ZNF385D: variants seen among roughly 807,000 people sequenced by gnomAD.
ZNF385D encodes zinc finger protein 385D.
A neutral mutation model predicts 35.8 loss-of-function variants in ZNF385D; 15 were observed. That is an observed-to-expected ratio of 0.42 (90% CI 0.28 to 0.64). ZNF385D has a LOEUF of 0.64. ZNF385D is among the 30% of genes least tolerant of loss of function. The probability of loss-of-function intolerance (pLI) is 0.23; values close to 1 mark genes in which losing one functional copy is unlikely to be tolerated. For synonymous variants in ZNF385D, 212 were observed against 186.8 expected (o/e 1.13, Z -1.10); for missense variants, 474 against 494.6 (o/e 0.96, Z 0.39).
chr3:22,354,293 G>A (rs1696051942), intron 2 of ZNF385D, among the ~76,000 whole-genome samples: 1 of 151,974 alleles, frequency 6.6e-6, no homozygotes, highest in Non-Finnish European at 1.5e-5. Flanking sequence ...GAAAACATCA[G>A]TACATATTTC....
At chr3:22,341,555 G>A (rs1695420769) in intron 2 of ZNF385D, among the ~76,000 whole-genome samples, 1 of 152,068 alleles carries the variant, frequency 6.6e-6, no homozygotes, top group African/African-American at 2.4e-5. Flanking sequence ...AGCACCATTT[G>A]GAATGAACCA....
Position 22,291,635 on chromosome 3 carries a change from G to A in ZNF385D, c.106+80815C>T, listed in dbSNP as rs573789389. Among the ~76,000 whole-genome samples the A allele has an allele frequency of 1.5e-4, 23 of 151,896 alleles. No homozygotes were observed. The South Asian group carries it at 4.4e-3, about 29-fold the overall frequency. On this transcript the variant is annotated intron_variant, in intron 2 of 5. Transcript: ENST00000494108. ...GTTAAAGAAGTGTAATAATTTTATTGTTTTACTGTATTACCAAGAACTTCT... is the reference window on the plus strand; with the variant it reads ...GTTAAAGAAGTGTAATAATTTTATTATTTTACTGTATTACCAAGAACTTCT...
intron 3 of ZNF385D, among the ~76,000 whole-genome samples, chr3:22,097,477 A>T (rs1184640504): frequency 6.6e-6 from 1 of 152,064 alleles, no homozygotes; most frequent in Non-Finnish European, 1.5e-5. Flanking sequence ...GAAGAAATTG[A>T]GAGAAAAGTT....
At chr3:22,121,180 C>T (rs143434241) in intron 3 of ZNF385D, among the ~76,000 whole-genome samples, 213 of 152,242 alleles carry the variant, frequency 1.4e-3, no homozygotes, top group African/African-American at 4.9e-3. Context: ...TTCAACCTTC[C>T]TCTTTCACTT....
intron 2 of ZNF385D, among the ~76,000 whole-genome samples, chr3:22,180,938 A>T (rs1374462449): frequency 1.1e-4 from 7 of 62,024 alleles, no homozygotes; most frequent in Non-Finnish European, 1.8e-4. Context: ...TTTAAGAGAC[A>T]GCTTTGCTTT....
intron 2 of ZNF385D, among the ~76,000 whole-genome samples, chr3:22,172,853 A>G (rs1694555762): frequency 6.6e-6 from 1 of 152,226 alleles, no homozygotes; most frequent in Admixed American, 6.5e-5. Flanking sequence ...TCCTCCATTC[A>G]AAGCGGGATA....
chr3:21,880,733 C>T (rs75383514), intron 3 of ZNF385D, among the ~76,000 whole-genome samples: 2,644 of 152,016 alleles, frequency 0.017, 57 homozygotes, highest in African/African-American at 0.054. Context: ...AAAGCTGATA[C>T]AGACTGAAAG....
intron 1 of ZNF385D, among the ~76,000 whole-genome samples, chr3:21,714,066 T>C (rs2068220937): frequency 6.6e-6 from 1 of 152,206 alleles, no homozygotes; most frequent in African/African-American, 2.4e-5. Context: ...TTTGCTCCCT[T>C]GGCTAAATGA....
chr3:22,206,804 C>T (rs114371500), intron 2 of ZNF385D, among the ~76,000 whole-genome samples: 217 of 151,726 alleles, frequency 1.4e-3, no homozygotes, highest in Non-Finnish European at 2.7e-3. Context: ...TTATAAATGC[C>T]AACATCAGAA....
chr3:21,751,236 A>AGGGC, upstream of ZNF385D: 1 of 1,106,816 alleles, frequency 9.0e-7, no homozygotes, highest in Non-Finnish European at 1.1e-6. Flanking sequence ...AGACCCCTCC[A>AGGGC]CCCCACCCCA....
At chr3:22,176,496 C>G (rs1459021548) in intron 2 of ZNF385D, among the ~76,000 whole-genome samples, 1 of 152,120 alleles carries the variant, frequency 6.6e-6, no homozygotes, top group Non-Finnish European at 1.5e-5. Context: ...GATTGCATTT[C>G]AAGTACAGTT....
intron 2 of ZNF385D, among the ~76,000 whole-genome samples, chr3:22,339,187 T>C (rs1214280744): frequency 6.6e-6 from 1 of 152,186 alleles, no homozygotes; most frequent in South Asian, 2.1e-4. Flanking sequence ...TGTCACAACT[T>C]AAAACATTTA....
chr3:21,616,818 AAC>A (rs2064860544), intron 2 of ZNF385D, among the ~76,000 whole-genome samples: 1 of 152,198 alleles, frequency 6.6e-6, no homozygotes, highest in Non-Finnish European at 1.5e-5. Flanking sequence ...GAAAATTACT[AAC>A]ACAGGTCACT....
intron 2 of ZNF385D, among the ~76,000 whole-genome samples, chr3:21,611,755 C>T (rs562043487): frequency 6.6e-6 from 1 of 152,054 alleles, no homozygotes; most frequent in East Asian, 1.9e-4. Context: ...AACAAGGATA[C>T]CACATTGAGT....
chr3:21,963,382 C>G (rs1050473168), intron 3 of ZNF385D, among the ~76,000 whole-genome samples: 6 of 152,108 alleles, frequency 3.9e-5, no homozygotes, highest in East Asian at 1.9e-4. Context: ...TACGTAGAAC[C>G]GCAGTAGCGT....
intron 3 of ZNF385D, among the ~76,000 whole-genome samples, chr3:21,525,703 A>C (rs1404415994): frequency 1.3e-5 from 2 of 151,792 alleles, no homozygotes; most frequent in Non-Finnish European, 2.9e-5. Context: ...AAAAAAAAAA[A>C]AAACTATTAA....
chr3:22,163,498 G>T (rs1001405404), intron 3 of ZNF385D, among the ~76,000 whole-genome samples: 4 of 152,032 alleles, frequency 2.6e-5, no homozygotes, highest in African/African-American at 9.7e-5. Flanking sequence ...TCAGAAATGT[G>T]AAAAACATTT....
At chr3:21,849,304 A>G (rs1290608528) in intron 3 of ZNF385D, among the ~76,000 whole-genome samples, 1 of 152,114 alleles carries the variant, frequency 6.6e-6, no homozygotes, top group Non-Finnish European at 1.5e-5. Flanking sequence ...AGAGAATTCT[A>G]AATTGATTCA....
intron 3 of ZNF385D, among the ~76,000 whole-genome samples, chr3:21,998,646 A>T (rs1695639001): frequency 6.6e-6 from 1 of 152,240 alleles, no homozygotes; most frequent in Non-Finnish European, 1.5e-5. Context: ...GTGTGTTAAT[A>T]ACAAGAACAT....
Sources: gnomAD v4.1 joint callset for allele counts (sites outside exome capture counted in the v4.1 genomes callset) on GRCh38, gnomAD v4.1.1 for gene constraint, MANE v1.5 for transcripts, NCBI Gene and HGNC (gene_info 2026-07-23, HGNC 2026-07-21) for gene names.